CSMD1: variants seen among roughly 807,000 people sequenced by gnomAD.
CSMD1 encodes CUB and sushi domain-containing protein 1.
CSMD1 carries 213 observed loss-of-function variants against 417.5 expected under a neutral mutation model. That is an observed-to-expected ratio of 0.51 (90% CI 0.46 to 0.57). The LOEUF is 0.57. Among genes scored for constraint, CSMD1 ranks in the 20% least tolerant of loss-of-function variants. The pLI is 0.00. For missense variants in CSMD1, 6,923 were observed against 4,529.7 expected, an observed-to-expected ratio of 1.53 and a Z score of -15.17; for synonymous variants, 2,862 against 1,736.8, an observed-to-expected ratio of 1.65 and a Z score of -16.11.
intron 57 of CSMD1, among the ~76,000 whole-genome samples, chr8:2,968,563 A>G (rs1487448082): frequency 6.6e-6 from 1 of 152,246 alleles, no homozygotes; most frequent in Non-Finnish European, 1.5e-5. Flanking sequence ...TGTGGAAAGT[A>G]AAATTCATGA....
chr8:2,991,387 G>A (rs1806372989), intron 54 of CSMD1, among the ~76,000 whole-genome samples: 3 of 152,072 alleles, frequency 2.0e-5, no homozygotes, highest in South Asian at 2.1e-4. Flanking sequence ...TTTTGGCAAT[G>A]CAATCAATGA....
At chr8:3,763,429 G>C (rs895791920) in intron 5 of CSMD1, among the ~76,000 whole-genome samples, 2 of 152,036 alleles carry the variant, frequency 1.3e-5, no homozygotes, top group Non-Finnish European at 2.9e-5. Context: ...TCCAGAGCTG[G>C]TTGTTTAAAA....
intron 3 of CSMD1, among the ~76,000 whole-genome samples, chr8:4,202,052 G>C (rs1446311356): frequency 6.6e-6 from 1 of 152,078 alleles, no homozygotes; most frequent in African/African-American, 2.4e-5. Flanking sequence ...TCCTGCTGTG[G>C]GTTGGCTCTT....
chr8:3,967,890 G>A (rs977577060), intron 5 of CSMD1, among the ~76,000 whole-genome samples: 4 of 151,744 alleles, frequency 2.6e-5, no homozygotes, highest in African/African-American at 9.7e-5. Flanking sequence ...ACAATTGGCC[G>A]GGCGCAGTGG....
intron 3 of CSMD1, among the ~76,000 whole-genome samples, chr8:4,108,121 G>T (rs989657469): frequency 1.3e-5 from 2 of 151,980 alleles, no homozygotes; most frequent in African/African-American, 4.8e-5. Flanking sequence ...GGAGGAGGAG[G>T]AGGAGGGTAG....
intron 1 of CSMD1, among the ~76,000 whole-genome samples, chr8:4,735,717 C>T (rs1199690920): frequency 1.3e-5 from 2 of 152,154 alleles, no homozygotes; most frequent in African/African-American, 4.8e-5. Flanking sequence ...TTTTATCTCC[C>T]TAATATCTCC....
chr8:3,887,297 C>T (rs1211499268), intron 5 of CSMD1, among the ~76,000 whole-genome samples: 2 of 152,178 alleles, frequency 1.3e-5, no homozygotes, highest in Non-Finnish European at 2.9e-5. Context: ...ACGGTACATC[C>T]TCCCCCCATC....
At chr8:3,088,206 A>C (rs1225207667) in intron 48 of CSMD1, among the ~76,000 whole-genome samples, 1 of 152,210 alleles carries the variant, frequency 6.6e-6, no homozygotes, top group Non-Finnish European at 1.5e-5. Context: ...TTATGGCTAA[A>C]AGTCTCTGCA....
At chr8:4,438,513 G>C (rs910301935) in intron 2 of CSMD1, among the ~76,000 whole-genome samples, 2 of 152,210 alleles carry the variant, frequency 1.3e-5, no homozygotes, top group Non-Finnish European at 2.9e-5. Context: ...GGAAGATGCA[G>C]GTGGAAGTCC....
At chr8:3,382,455 TATATA>T (rs1279739018) in intron 18 of CSMD1, among the ~76,000 whole-genome samples, 48 of 135,774 alleles carry the variant, frequency 3.5e-4, no homozygotes, top group Middle Eastern at 4.0e-3. Context: ...TAATATAATA[TATATA>T]ATATATTATA....
intron 2 of CSMD1, among the ~76,000 whole-genome samples, chr8:4,430,996 A>G (rs1448134731): frequency 1.3e-5 from 2 of 152,136 alleles, no homozygotes; most frequent in African/African-American, 4.8e-5. Context: ...CAGTTATGCC[A>G]CTTTTCTCTG....
intron 1 of CSMD1, among the ~76,000 whole-genome samples, chr8:4,933,198 C>A (rs1159890252): frequency 6.6e-6 from 1 of 152,002 alleles, no homozygotes; most frequent in Non-Finnish European, 1.5e-5. Context: ...TGCTCCCTCC[C>A]TCTCTTCTGT....
At chr8:4,318,144 G>A (rs887533095) in intron 3 of CSMD1, among the ~76,000 whole-genome samples, 4 of 152,054 alleles carry the variant, frequency 2.6e-5, no homozygotes, top group Non-Finnish European at 5.9e-5. Context: ...TGTTATTTAT[G>A]AAATAATATG....
chr8:4,923,361 T>C (rs1806629556), intron 1 of CSMD1, among the ~76,000 whole-genome samples: 1 of 152,142 alleles, frequency 6.6e-6, no homozygotes, highest in Admixed American at 6.5e-5. Flanking sequence ...AGGGTTGGCA[T>C]ACATTTTAAA....
At chr8:3,961,267 G>C (rs1037687939) in intron 5 of CSMD1, among the ~76,000 whole-genome samples, 2 of 152,080 alleles carry the variant, frequency 1.3e-5, no homozygotes, top group Non-Finnish European at 2.9e-5. Context: ...TGAGTTATAA[G>C]CATAAAAGTT....
chr8:4,139,644 A>AG lies in CSMD1; in HGVS notation c.416-107546dup, dbSNP rs536565898. Among the ~76,000 whole-genome samples the AG allele has an allele frequency of 2.7e-3, 410 of 151,310 alleles. 29 individuals carry two copies. Among genetic ancestry groups the AG allele is most frequent in the African/African-American group, 9.2e-3 (372 of 40,634 alleles). On this transcript the variant is annotated intron_variant, in intron 3 of 69. Coordinates refer to ENST00000635120, the MANE Select transcript of CSMD1 (RefSeq NM_033225.6). ...GGGCATTTGGAATAGTGGGACCAGC[A>AG]GATGCAAGGGCAAAGGGATGCCAAA...
chr8:4,368,698 T>C (rs1563101448), intron 3 of CSMD1, among the ~76,000 whole-genome samples: 2 of 152,116 alleles, frequency 1.3e-5, no homozygotes, highest in Non-Finnish European at 2.9e-5. Context: ...ATATGAGATG[T>C]TGTGTATTTC....
chr8:4,669,531 A>C (rs531636186), intron 1 of CSMD1, among the ~76,000 whole-genome samples: 17 of 152,280 alleles, frequency 1.1e-4, no homozygotes, highest in African/African-American at 3.6e-4. Context: ...AAATTGACAC[A>C]TATCAATGAG....
intron 23 of CSMD1, among the ~76,000 whole-genome samples, chr8:3,317,384 C>T (rs995800311): frequency 6.6e-6 from 1 of 152,200 alleles, no homozygotes; most frequent in Admixed American, 6.5e-5. Context: ...GCAATAATTA[C>T]CCAAGCTATA....
Sources: gnomAD v4.1 joint callset for allele counts (sites outside exome capture counted in the v4.1 genomes callset) on GRCh38, gnomAD v4.1.1 for gene constraint, MANE v1.5 for transcripts, NCBI Gene and HGNC (gene_info 2026-07-23, HGNC 2026-07-21) for gene names.